The following AGBL1 variants were observed in gnomAD, a reference collection of about 807,000 sequenced individuals.
AGBL1 encodes AGBL carboxypeptidase 1, also known as cytosolic carboxypeptidase 4.
In AGBL1, 130 loss-of-function variants were observed where a neutral mutation model predicts 118.9. The observed-to-expected ratio is 1.09, with a 90% CI of 0.95 to 1.26. The LOEUF (loss-of-function observed/expected upper bound fraction) is 1.26, where lower values mean the gene tolerates loss of function less well. Ranked by LOEUF, AGBL1 falls within the 50% of genes most tolerant of loss-of-function variation. The pLI is 0.00. For missense variants in AGBL1, 1,584 were observed against 1,298.1 expected, an observed-to-expected ratio of 1.22 and a Z score of -3.38; for synonymous variants, 555 against 478.9, an observed-to-expected ratio of 1.16 and a Z score of -2.08.
intron 1 of AGBL1, among the ~76,000 whole-genome samples, chr15:86,110,122 C>T (rs1003081865): frequency 6.6e-6 from 1 of 152,194 alleles, no homozygotes; most frequent in African/African-American, 2.4e-5. Context: ...GACTCCAAAG[C>T]TTTAGCTGCG....
At chr15:86,438,087 T>A (rs766700773) in intron 18 of AGBL1, among the ~76,000 whole-genome samples, 6 of 152,038 alleles carry the variant, frequency 3.9e-5, no homozygotes, top group Non-Finnish European at 5.9e-5. Context: ...TGTATTTTTT[T>A]AGTAGAAATG....
intron 22 of AGBL1, among the ~76,000 whole-genome samples, chr15:86,783,950 T>A (rs1179499003): frequency 6.6e-6 from 1 of 152,124 alleles, no homozygotes; most frequent in Non-Finnish European, 1.5e-5. Context: ...CTTAAAAAAA[T>A]TTTAAACTGC....
At chr15:86,818,762 A>G (rs2078900046) in intron 22 of AGBL1, among the ~76,000 whole-genome samples, 1 of 152,202 alleles carries the variant, frequency 6.6e-6, no homozygotes. Flanking sequence ...GTGGCTCAGC[A>G]TAGTAATTTT....
At chr15:86,175,664 T>C (rs77918798) in intron 5 of AGBL1, among the ~76,000 whole-genome samples, 13,037 of 152,228 alleles carry the variant, frequency 0.086, 754 homozygotes, top group East Asian at 0.24. Flanking sequence ...AGCACCACTT[T>C]TACTGTATTC....
chr15:86,632,357 C>G (rs1005535891), intron 21 of AGBL1, among the ~76,000 whole-genome samples: 5 of 151,408 alleles, frequency 3.3e-5, no homozygotes, highest in Admixed American at 6.6e-5. Context: ...GCAGGGAAAT[C>G]GCTTGAACCC....
chr15:86,869,753 A>C (rs1259403062), intron 22 of AGBL1, among the ~76,000 whole-genome samples: 1 of 152,208 alleles, frequency 6.6e-6, no homozygotes, highest in East Asian at 1.9e-4. Flanking sequence ...AAGGAGGGCC[A>C]TGTACCAAGC....
chr15:86,529,946 C>G (rs879615081), intron 19 of AGBL1, among the ~76,000 whole-genome samples: 7,082 of 136,452 alleles, frequency 0.052, 288 homozygotes, highest in Non-Finnish European at 0.071. Flanking sequence ...CCTAAAAGAG[C>G]TCCTGAAGGA....
intron 18 of AGBL1, among the ~76,000 whole-genome samples, chr15:86,493,394 T>C (rs1028560886): frequency 1.3e-5 from 2 of 151,306 alleles, no homozygotes; most frequent in Non-Finnish European, 2.9e-5. Context: ...GGAAAAGGGG[T>C]TGAAAGAAGA....
chr15:86,351,767 TC>T (rs148361871), intron 17 of AGBL1, among the ~76,000 whole-genome samples: 1,743 of 152,310 alleles, frequency 0.011, 23 homozygotes, highest in Non-Finnish European at 0.015. Context: ...ACTTTGGGAT[TC>T]TTTTCTGTCC....
At chr15:86,513,929 C>T (rs2083083953) in intron 18 of AGBL1, among the ~76,000 whole-genome samples, 2 of 151,940 alleles carry the variant, frequency 1.3e-5, no homozygotes, top group South Asian at 4.1e-4. Flanking sequence ...TTTTTGGCAC[C>T]ATTATATATT....
At chr15:86,790,981 G>T (rs115254001) in intron 22 of AGBL1, among the ~76,000 whole-genome samples, 2,132 of 152,222 alleles carry the variant, frequency 0.014, 49 homozygotes, top group African/African-American at 0.049. Context: ...TGACAGGAAG[G>T]GGAAAGATCA....
At chr15:86,475,949 C>A (rs2082552770) in intron 18 of AGBL1, among the ~76,000 whole-genome samples, 2 of 152,104 alleles carry the variant, frequency 1.3e-5, no homozygotes, top group Non-Finnish European at 2.9e-5. Flanking sequence ...AATTTTCAAC[C>A]CAGAATTTCA....
At chr15:86,551,319 A>G (rs187976966) in intron 20 of AGBL1, among the ~76,000 whole-genome samples, 13 of 152,286 alleles carry the variant, frequency 8.5e-5, no homozygotes, top group Admixed American at 3.3e-4. Context: ...ATTTCTTAAA[A>G]CGGTCAACAA....
intron 21 of AGBL1, among the ~76,000 whole-genome samples, chr15:86,647,427 G>A (rs558633923): frequency 3.3e-5 from 5 of 152,308 alleles, no homozygotes; most frequent in Admixed American, 6.5e-5. Flanking sequence ...CTGGCTGGGC[G>A]CAGCGCCTTA....
intron 18 of AGBL1, among the ~76,000 whole-genome samples, chr15:86,475,070 C>T (rs1596161514): frequency 6.6e-6 from 1 of 152,172 alleles, no homozygotes; most frequent in Non-Finnish European, 1.5e-5. Context: ...AAAACCCCAT[C>T]TGTACGTCAC....
chr15:86,274,304 G>C (rs933389817), intron 15 of AGBL1, among the ~76,000 whole-genome samples: 1 of 152,024 alleles, frequency 6.6e-6, no homozygotes, highest in African/African-American at 2.4e-5. Flanking sequence ...TTCTAGATCT[G>C]ATTAGATTAT....
At chr15:86,214,513 G>C (rs2078153375) in intron 5 of AGBL1, among the ~76,000 whole-genome samples, 1 of 152,188 alleles carries the variant, frequency 6.6e-6, no homozygotes, top group African/African-American at 2.4e-5. Flanking sequence ...ATTGTTTAAG[G>C]AAGTTAAATT....
chr15:86,276,737 T>C (rs908698585), intron 15 of AGBL1, among the ~76,000 whole-genome samples: 4 of 152,146 alleles, frequency 2.6e-5, no homozygotes, highest in Non-Finnish European at 5.9e-5. Flanking sequence ...GGGCTTTCCA[T>C]ACAAAGCAAG....
At chr15:86,337,463 CATGA>C (rs1260978218) in intron 17 of AGBL1, among the ~76,000 whole-genome samples, 2 of 152,118 alleles carry the variant, frequency 1.3e-5, no homozygotes, top group African/African-American at 4.8e-5. Context: ...CTCAAATGCC[CATGA>C]ATGATAGACT....
Sources: allele counts gnomAD v4.1 joint callset (sites outside exome capture counted in the v4.1 genomes callset), GRCh38; gene constraint gnomAD v4.1.1; transcripts MANE v1.5; gene names NCBI Gene and HGNC (gene_info 2026-07-23, HGNC 2026-07-21).